PPP2R2C: variants seen among roughly 807,000 people sequenced by gnomAD.
The protein encoded by PPP2R2C is protein phosphatase 2 regulatory subunit Bgamma.
Under a neutral mutation model 45.3 loss-of-function variants are expected in PPP2R2C, and 10 were observed. The observed-to-expected ratio is 0.22, with a 90% CI of 0.14 to 0.37. The LOEUF (loss-of-function observed/expected upper bound fraction) is 0.37. Among genes scored for constraint, PPP2R2C ranks in the 10% least tolerant of loss-of-function variants. The pLI is 1.00. For synonymous variants in PPP2R2C, 257 were observed against 245.4 expected, an observed-to-expected ratio of 1.05 and a Z score of -0.44; for missense variants, 308 against 619.7, an observed-to-expected ratio of 0.50 and a Z score of 5.34.
chr4:6,391,760 G>T (rs974850259), intron 1 of PPP2R2C, among the ~76,000 whole-genome samples: 1 of 152,226 alleles, frequency 6.6e-6, no homozygotes, highest in Admixed American at 6.5e-5. Context: ...GGAAGCCCTG[G>T]GTGGGGCTGG....
intron 1 of PPP2R2C, chr4:6,384,432 C>T (rs1325041626): frequency 3.0e-6 from 3 of 984,582 alleles, no homozygotes; most frequent in Non-Finnish European, 3.6e-6. Context: ...ATAATATTTC[C>T]TCCTCTTTCA....
rs60462800 is a variant in PPP2R2C at position 6,548,225 on chromosome 4, AAAG to A, written c.-58-12851_-58-12849del. Reference sequence around the variant, plus strand: ...AGAGTGAGACTCTGTCTTAAAAGAAAAAGAAGAAGAAGAAGAAGAAGAAGTCAT... The same window carrying A: ...AGAGTGAGACTCTGTCTTAAAAGAAAAAGAAGAAGAAGAAGAAGAAGTCAT... On this transcript the variant is annotated intron_variant, in intron 1 of 9. Coordinates refer to the PPP2R2C transcript ENST00000506140. Among the ~76,000 whole-genome samples the A allele has an allele frequency of 9.1e-4, 137 of 151,114 alleles. 1 individual carries two copies. Among genetic ancestry groups the A allele is most frequent in the Middle Eastern group, 6.8e-3 (2 of 294 alleles).
At chr4:6,427,225 G>A (rs1719379099) in intron 1 of PPP2R2C, among the ~76,000 whole-genome samples, 1 of 152,246 alleles carries the variant, frequency 6.6e-6, no homozygotes, top group Non-Finnish European at 1.5e-5. Flanking sequence ...GTACACAGTA[G>A]CTACTCTGTG....
At chr4:6,413,944 C>T (rs1054646362) in intron 1 of PPP2R2C, 2 of 1,536,160 alleles carry the variant, frequency 1.3e-6, no homozygotes. Context: ...TATACTCAAT[C>T]AGAATGAGGC....
intron 1 of PPP2R2C, among the ~76,000 whole-genome samples, chr4:6,448,448 C>T (rs989695830): frequency 6.6e-6 from 1 of 152,122 alleles, no homozygotes; most frequent in South Asian, 2.1e-4. Flanking sequence ...CCTGCCCCCA[C>T]CAGGGCCGGC....
intron 1 of PPP2R2C, among the ~76,000 whole-genome samples, chr4:6,399,312 G>A (rs186811304): frequency 6.6e-6 from 1 of 152,260 alleles, no homozygotes; most frequent in East Asian, 1.9e-4. Context: ...GAGGGGAGAG[G>A]AAGTGCCAGC....
At chr4:6,465,694 A>G (rs1435091790) in intron 1 of PPP2R2C, among the ~76,000 whole-genome samples, 1 of 152,022 alleles carries the variant, frequency 6.6e-6, no homozygotes, top group African/African-American at 2.4e-5. Context: ...GCATTTTATC[A>G]CTCACCATTC....
chr4:6,470,916 G>A (rs1318515807), intron 1 of PPP2R2C, among the ~76,000 whole-genome samples: 2 of 151,684 alleles, frequency 1.3e-5, no homozygotes, highest in Non-Finnish European at 2.9e-5. Context: ...CAGGTCCCAC[G>A]CCCAGCCTCT....
intron 1 of PPP2R2C, among the ~76,000 whole-genome samples, chr4:6,442,534 G>A (rs553759838): frequency 1.4e-4 from 22 of 152,338 alleles, no homozygotes; most frequent in African/African-American, 4.6e-4. Context: ...ACCACAAATA[G>A]CATGGCCCCA....
In PPP2R2C at chr4:6,323,084, T is replaced by C. The variant is rs1731656163; in HGVS notation, c.*218A>G. The C allele has an allele frequency of 2.1e-6, 1 of 486,512 alleles. No individual in the cohort carries two copies. The highest frequency in any genetic ancestry group is 3.5e-6 in the Non-Finnish European group (1 of 285,780). The allele number at this position is 486,512 out of a possible 1,614,324, so 30.1% of individuals were successfully genotyped here. A position where few individuals can be genotyped will look rare whatever the true frequency, so the allele number is the denominator to read the frequency against. On this transcript the variant is annotated 3_prime_UTR_variant, in exon 9 of 9. Transcript: ENST00000382599. ...GGCGGTGAACGCTTCCTTTCCTTTT[T>C]ATTTTTTTAAACAGACAATTACTGC...
rs2109239644 is a variant in PPP2R2C at position 6,353,011 on chromosome 4, G to A, written c.626-5001C>T. ...GGGAGCGATGGCTACAGGAACATCT[G>A]GAGCCCCGGAGCTGGAGGAGACAAG... On this transcript the variant is annotated intron_variant, in intron 5 of 8. Transcript: ENST00000382599. Among the ~76,000 whole-genome samples the A allele has an allele frequency of 1.3e-5, 2 of 152,250 alleles. 1 individual carries two copies. Among genetic ancestry groups the A allele is most frequent in the South Asian group, 4.1e-4 (2 of 4,822 alleles).
intron 1 of PPP2R2C, among the ~76,000 whole-genome samples, chr4:6,553,792 G>A (rs1489188765): frequency 6.6e-6 from 1 of 152,042 alleles, no homozygotes; most frequent in Non-Finnish European, 1.5e-5. Context: ...CATCCCCGTG[G>A]ATCCTCTGGG....
chr4:6,527,605 C>G (rs1724257906), intron 2 of PPP2R2C, among the ~76,000 whole-genome samples: 1 of 130,792 alleles, frequency 7.6e-6, no homozygotes, highest in Admixed American at 7.9e-5. Context: ...CACCCCACCT[C>G]CAGGCACCAC....
intron 1 of PPP2R2C, among the ~76,000 whole-genome samples, chr4:6,450,338 G>C (rs192344538): frequency 6.6e-6 from 1 of 152,148 alleles, no homozygotes; most frequent in South Asian, 2.1e-4. Flanking sequence ...CCTTCCCCTC[G>C]CTGGTCCTCA....
At chr4:6,541,478 A>C (rs1361343398) in intron 1 of PPP2R2C, among the ~76,000 whole-genome samples, 1 of 152,150 alleles carries the variant, frequency 6.6e-6, no homozygotes, top group Non-Finnish European at 1.5e-5. Flanking sequence ...AGGTGGACAG[A>C]GTGGTCAGAT....
intron 1 of PPP2R2C, among the ~76,000 whole-genome samples, chr4:6,407,937 G>A (rs539469451): frequency 1.3e-5 from 2 of 152,110 alleles, no homozygotes; most frequent in Admixed American, 6.5e-5. Context: ...AACACACACC[G>A]AATTTTAAAG....
At chr4:6,448,750 C>T (rs1720569848) in intron 1 of PPP2R2C, among the ~76,000 whole-genome samples, 1 of 152,184 alleles carries the variant, frequency 6.6e-6, no homozygotes, top group African/African-American at 2.4e-5. Context: ...AAGCCCCTTT[C>T]ACCTGTGCCT....
chr4:6,483,029 ATTAAG>A (rs1413110557), intron 2 of PPP2R2C, among the ~76,000 whole-genome samples: 1 of 152,124 alleles, frequency 6.6e-6, no homozygotes, highest in African/African-American at 2.4e-5. Context: ...AAAGAAGTAA[ATTAAG>A]TTAACATTTT....
chr4:6,386,639 T>A (rs996585570), intron 1 of PPP2R2C, among the ~76,000 whole-genome samples: 2 of 152,240 alleles, frequency 1.3e-5, no homozygotes, highest in Non-Finnish European at 2.9e-5. Context: ...AACAAAAATC[T>A]AGAGTCGCTC....
Sources: allele counts gnomAD v4.1 joint callset (sites outside exome capture counted in the v4.1 genomes callset), GRCh38; gene constraint gnomAD v4.1.1; transcripts MANE v1.5; gene names NCBI Gene and HGNC (gene_info 2026-07-23, HGNC 2026-07-21).